SCPEP1: variants seen among roughly 807,000 people sequenced by gnomAD.
SCPEP1 encodes the protein retinoid-inducible serine carboxypeptidase.
Under a neutral mutation model 63.8 loss-of-function variants are expected in SCPEP1, and 51 were observed. That is an observed-to-expected ratio of 0.80 (90% CI 0.64 to 1.01). The LOEUF (loss-of-function observed/expected upper bound fraction) is 1.01. Ranked by LOEUF, SCPEP1 falls within the 50% of genes least tolerant of loss-of-function variation. The pLI is 0.00. For synonymous variants in SCPEP1, 204 were observed against 207.8 expected, an observed-to-expected ratio of 0.98 and a Z score of 0.16; for missense variants, 499 against 554.9, an observed-to-expected ratio of 0.90 and a Z score of 1.01.
chr17:56,982,994 T>C (rs1014037546), intron 2 of SCPEP1: 1 of 151,976 alleles, frequency 6.6e-6, no homozygotes, highest in African/African-American at 2.4e-5. Context: ...GGGGGAATCT[T>C]TGAGAATCGA....
intron 6 of SCPEP1, among the ~76,000 whole-genome samples, chr17:56,993,407 G>T (rs930910306): frequency 2.6e-5 from 4 of 152,054 alleles, no homozygotes; most frequent in African/African-American, 4.8e-5. Flanking sequence ...CTGCCCTGCC[G>T]CCTGCTCTGG....
At chr17:56,982,325 C>T (rs1911091474) in intron 2 of SCPEP1, among the ~76,000 whole-genome samples, 1 of 152,146 alleles carries the variant, frequency 6.6e-6, no homozygotes, top group Non-Finnish European at 1.5e-5. Context: ...AAGCAGCCTC[C>T]CACCACCTGG....
chr17:56,986,178 C>T (rs1294679882), intron 3 of SCPEP1, among the ~76,000 whole-genome samples: 18 of 152,090 alleles, frequency 1.2e-4, no homozygotes, highest in Admixed American at 1.2e-3. Context: ...CTCAGTGCTC[C>T]TCCTCCAGCC....
chr17:56,995,338 A>G (rs963305862), intron 7 of SCPEP1, 169 bp from the exon 8 acceptor site: 7 of 676,660 alleles, frequency 1.0e-5, no homozygotes, highest in Admixed American at 6.2e-5. Flanking sequence ...TCAGTTAACA[A>G]TTTGCTGTGT....
intron 6 of SCPEP1, among the ~76,000 whole-genome samples, chr17:56,993,722 C>T (rs1911465315): frequency 6.6e-6 from 1 of 152,186 alleles, no homozygotes; most frequent in Admixed American, 6.5e-5. Flanking sequence ...GCTGGGATTA[C>T]AGGCGTGAGC....
intron 12 of SCPEP1, 32 bp downstream of exon 12, chr17:57,002,213 A>G: frequency 6.2e-7 from 1 of 1,607,142 alleles, no homozygotes. Flanking sequence ...AGACTTAAAA[A>G]TCATCCTGAG....
At chr17:57,006,083 C>G (rs914038034) in intron 12 of SCPEP1, 90 bp from the exon 13 acceptor site, 18 of 1,060,776 alleles carry the variant, frequency 1.7e-5, no homozygotes, top group Non-Finnish European at 2.4e-5. Flanking sequence ...AGCTGGCTCC[C>G]TTTTGGGAGC....
intron 12 of SCPEP1, among the ~76,000 whole-genome samples, chr17:57,005,261 A>G (rs1194943273): frequency 6.6e-6 from 1 of 152,160 alleles, no homozygotes; most frequent in Non-Finnish European, 1.5e-5. Context: ...CCTAGAGAGA[A>G]GTCCCTGACG....
chr17:57,004,700 C>T (rs1353960319), intron 12 of SCPEP1, among the ~76,000 whole-genome samples: 3 of 152,136 alleles, frequency 2.0e-5, no homozygotes, highest in Non-Finnish European at 4.4e-5. Context: ...AAGGTACTTT[C>T]GTACAATATT....
rs760612961 is a variant in SCPEP1, at chr17:56,996,952, T to TA, written c.787-9dup. On this transcript the variant is annotated splice_polypyrimidine_tract_variant and intron_variant, in intron 8 of 12. Coordinates refer to ENST00000262288, the MANE Select transcript of SCPEP1 (RefSeq NM_021626.3). ...TGAAACAAACAGCCAAATAAACTTT[T>TA]ATATTTCAGAACACAGATGGGGTGA... 6.3e-7 allele frequency: 1 copy of TA among 1,585,140 alleles called. No homozygotes were observed. Among genetic ancestry groups the TA allele is most frequent in the East Asian group, 2.2e-5 (1 of 44,682 alleles).
rs1911188201 is a variant in SCPEP1 at position 56,985,465 on chromosome 17, T to G, written c.313T>G (p.Trp105Gly). The G allele has an allele frequency of 1.2e-6, 2 of 1,612,252 alleles. No individual in the cohort carries two copies. Among genetic ancestry groups the G allele is most frequent in the African/African-American group, 1.3e-5 (1 of 74,890 alleles). The change falls in exon 3 of 13, where the codon TGG becomes GGG. Residue 105 changes from tryptophan (W) to glycine (G), a missense_variant and splice_region_variant. Coordinates refer to ENST00000262288, the MANE Select transcript of SCPEP1 (RefSeq NM_021626.3). ...TGATCTCAAACCACGGAAAACCACC[T>G]GGGTACAGTGAGGACAGTCCTGAGC... ...DSDLKPRKTT[W>G]LQAASLLFVD... is the part of the protein sequence containing the mutation.
Position 57,006,415 on chromosome 17 carries a change from T to C in SCPEP1, c.*180T>C. 1 of 412,348 alleles carries C rather than the reference T, an allele frequency of 2.4e-6. No homozygotes were observed. Among genetic ancestry groups the C allele is most frequent in the Non-Finnish European group, 4.4e-6 (1 of 229,594 alleles). 25.5% of individuals were successfully genotyped at this position (412,348 alleles called of 1,614,324 possible). On this transcript the variant is annotated 3_prime_UTR_variant, in exon 13 of 13. Transcript: ENST00000262288. ...CTCTGGAGGCAATTTGGAAATTATT[T>C]CTGCTTCTTAAAAAAACCTAAGATT...
At chr17:56,978,426 T>G (rs555991181) in intron 1 of SCPEP1, among the ~76,000 whole-genome samples, 191 bp downstream of exon 1, 9 of 152,020 alleles carry the variant, frequency 5.9e-5, no homozygotes, top group South Asian at 4.2e-4. Context: ...TTTTTTGTCC[T>G]TTTCTGGCTC....
At position 57,006,598 on chromosome 17, in the gene SCPEP1, CA is replaced by C. The variant is rs2144516374; in HGVS notation, c.*364del. ...TGTATACCCCCTTCCCAGGGGTAAG[CA>C]CTGTTACCAATTTAGCATATGTCCT... On this transcript the variant is annotated 3_prime_UTR_variant, in exon 13 of 13. Coordinates refer to ENST00000262288, the MANE Select transcript of SCPEP1 (RefSeq NM_021626.3). 1 of 160,804 alleles carries C rather than the reference CA, an allele frequency of 6.2e-6. No homozygotes were observed. Among genetic ancestry groups the C allele is most frequent in the Non-Finnish European group, 1.4e-5 (1 of 73,916 alleles). The allele number at this position is 160,804 out of a possible 1,614,324, so 10.0% of individuals were successfully genotyped here. A position where few individuals can be genotyped will look rare whatever the true frequency, so the allele number is the denominator to read the frequency against.
intron 2 of SCPEP1, 85 bp downstream of exon 2, chr17:56,981,315 A>G: frequency 6.6e-7 from 1 of 1,506,704 alleles, no homozygotes; most frequent in South Asian, 1.2e-5. Flanking sequence ...CTGATGTCTC[A>G]GCAGTGAAGG....
Position 56,996,987 on chromosome 17 carries a change from ACAT to A in SCPEP1, c.814_816del (p.Ile272del), listed in dbSNP as rs753726474. The A allele has an allele frequency of 6.2e-7, 1 of 1,609,598 alleles. No individual in the cohort carries two copies. Among genetic ancestry groups the A allele is most frequent in the South Asian group, 1.1e-5 (1 of 90,192 alleles). Reference sequence around the variant, plus strand: ...AACACAGATGGGGTGAACTTCTATAACATCTTAACTAAAAGCACTCCCACGTCT... The same window carrying A: ...AACACAGATGGGGTGAACTTCTATAACTTAACTAAAAGCACTCCCACGTCT... On this transcript the variant is annotated inframe_deletion, in exon 9 of 13. Coordinates refer to ENST00000262288, the MANE Select transcript of SCPEP1 (RefSeq NM_021626.3).
intron 2 of SCPEP1, among the ~76,000 whole-genome samples, chr17:56,982,527 C>T (rs539224433): frequency 6.9e-4 from 105 of 152,296 alleles, no homozygotes; most frequent in Non-Finnish European, 1.3e-3. Context: ...CTGGGGAGCC[C>T]TGTTCACCTC....
intron 9 of SCPEP1, 66 bp downstream of exon 9, chr17:56,997,121 T>A (rs1374430004): frequency 2.8e-6 from 2 of 726,690 alleles, no homozygotes; most frequent in Non-Finnish European, 4.2e-6. Flanking sequence ...ACCTGTTTAT[T>A]AAAAAAAAAA....
intron 2 of SCPEP1, among the ~76,000 whole-genome samples, chr17:56,981,998 C>T (rs1911082286): frequency 6.6e-6 from 1 of 152,180 alleles, no homozygotes; most frequent in African/African-American, 2.4e-5. Context: ...GACTGTTGCG[C>T]CTTCCCCCTT....
Sources: gnomAD v4.1 joint callset for allele counts (sites outside exome capture counted in the v4.1 genomes callset) on GRCh38, gnomAD v4.1.1 for gene constraint, MANE v1.5 for transcripts, NCBI Gene and HGNC (gene_info 2026-07-23, HGNC 2026-07-21) for gene names.